The following ARPC2 variants were observed in gnomAD, a reference collection of about 807,000 sequenced individuals.
ARPC2 encodes actin-related protein 2/3 complex subunit 2.
A neutral mutation model predicts 38.6 loss-of-function variants in ARPC2; 4 were observed. The ratio of observed to expected loss-of-function variants is 0.10; its 90% CI spans 0.05 to 0.24. ARPC2 has a LOEUF of 0.24. ARPC2 is among the 10% of genes least tolerant of loss of function. The pLI, the probability that ARPC2 is intolerant of heterozygous loss-of-function variation, is 1.00. For missense variants in ARPC2, 229 were observed against 387.3 expected, an observed-to-expected ratio of 0.59 and a Z score of 3.43; for synonymous variants, 125 against 140.8, an observed-to-expected ratio of 0.89 and a Z score of 0.79.
chr2:218,227,556 A>G (rs1689530463), intron 3 of ARPC2, among the ~76,000 whole-genome samples: 1 of 150,300 alleles, frequency 6.7e-6, no homozygotes. Flanking sequence ...CCTCTCAAGT[A>G]GCTGGGACTA....
chr2:218,221,067 A>G (rs1689373671), intron 2 of ARPC2, among the ~76,000 whole-genome samples: 1 of 152,378 alleles, frequency 6.6e-6, no homozygotes, highest in African/African-American at 2.4e-5. Context: ...TCGTTAGTGT[A>G]CACACCAAGA....
intron 8 of ARPC2, among the ~76,000 whole-genome samples, chr2:218,246,700 G>A (rs1254626294): frequency 6.6e-6 from 1 of 152,100 alleles, no homozygotes; most frequent in Non-Finnish European, 1.5e-5. Flanking sequence ...GCCAGGCACA[G>A]TGGCTCACAC....
intron 5 of ARPC2, chr2:218,235,638 T>C (rs915835932): frequency 2.0e-5 from 3 of 152,194 alleles, no homozygotes; most frequent in Admixed American, 6.5e-5. Flanking sequence ...AGAAAAATCA[T>C]GTCCAAAGTC....
chr2:218,235,234 A>G, intron 5 of ARPC2: 3 of 219,906 alleles, frequency 1.4e-5, no homozygotes, highest in Non-Finnish European at 2.8e-5. Context: ...ATGCAGTGGT[A>G]CAGTCATAGC....
chr2:218,234,947 G>A, intron 5 of ARPC2: 1 of 437,438 alleles, frequency 2.3e-6, no homozygotes, highest in South Asian at 1.6e-5. Context: ...TTAAAAAGGA[G>A]GTTTAAAGTG....
At chr2:218,234,489 A>G in intron 5 of ARPC2, 92 bp downstream of exon 5, 7 of 1,045,300 alleles carry the variant, frequency 6.7e-6, no homozygotes, top group Non-Finnish European at 9.9e-6. Flanking sequence ...TTTCGTTTAA[A>G]TATTATTACA....
intron 9 of ARPC2, 170 bp downstream of exon 9, chr2:218,249,634 A>G (rs1193978288): frequency 2.7e-6 from 2 of 734,056 alleles, no homozygotes; most frequent in African/African-American, 1.8e-5. Flanking sequence ...ACTGTCCCCC[A>G]TCCCTCCCTA....
At chr2:218,243,079 C>T (rs1000473053) in intron 7 of ARPC2, among the ~76,000 whole-genome samples, 2 of 152,142 alleles carry the variant, frequency 1.3e-5, no homozygotes, top group African/African-American at 4.8e-5. Context: ...AGTATTTTTA[C>T]AGTTACATAT....
intron 4 of ARPC2, among the ~76,000 whole-genome samples, chr2:218,231,225 G>C (rs1689625839): frequency 9.6e-5 from 1 of 10,418 alleles, no homozygotes; most frequent in South Asian, 0.056. Context: ...CCATCTCCTG[G>C]TGTCATTGGG....
chr2:218,229,345 T>A (rs1287873171), intron 4 of ARPC2: 2 of 152,590 alleles, frequency 1.3e-5, no homozygotes, highest in Non-Finnish European at 2.9e-5. Context: ...CCAGACATTA[T>A]GAAACTTCGG....
chr2:218,237,518 C>T (rs1410575411), intron 5 of ARPC2, among the ~76,000 whole-genome samples: 1 of 150,652 alleles, frequency 6.6e-6, no homozygotes, highest in Admixed American at 6.6e-5. Flanking sequence ...TGCCCCCCAC[C>T]ACCAATTTTT....
intron 7 of ARPC2, among the ~76,000 whole-genome samples, chr2:218,245,008 A>G (rs1047027030): frequency 2.6e-5 from 4 of 152,204 alleles, no homozygotes; most frequent in African/African-American, 9.6e-5. Flanking sequence ...CTTTCATTCC[A>G]TTGTCTTCTG....
intron 4 of ARPC2, among the ~76,000 whole-genome samples, chr2:218,232,730 C>A (rs1188680896): frequency 6.6e-6 from 1 of 151,694 alleles, no homozygotes; most frequent in African/African-American, 2.4e-5. Context: ...CCACCATGCC[C>A]AGCTAATTTT....
At chr2:218,238,925 C>T (rs1689843465) in intron 6 of ARPC2, 75 bp downstream of exon 6, 1 of 1,192,998 alleles carries the variant, frequency 8.4e-7, no homozygotes, top group South Asian at 1.5e-5. Context: ...AGAAATATGG[C>T]TTGGTCAAAC....
chr2:218,253,107 C>G (rs1690233542), intron 10 of ARPC2: 1 of 394,072 alleles, frequency 2.5e-6, no homozygotes, highest in Non-Finnish European at 5.0e-6. Flanking sequence ...ATTGAACACT[C>G]AGGAGCTTTT....
chr2:218,238,560 C>G (rs1001312082), intron 5 of ARPC2, 104 bp from the exon 6 acceptor site: 18 of 846,682 alleles, frequency 2.1e-5, no homozygotes, highest in Non-Finnish European at 3.2e-5. Context: ...TGCCTCTAGT[C>G]TCTGTTTACT....
intron 2 of ARPC2, 105 bp downstream of exon 2, chr2:218,217,649 C>G (rs1416274870): frequency 8.1e-7 from 1 of 1,239,220 alleles, no homozygotes; most frequent in South Asian, 1.3e-5. Context: ...AAATGGGGTG[C>G]CTGGCAGGGT....
At chr2:218,232,123 C>T (rs931710241) in intron 4 of ARPC2, among the ~76,000 whole-genome samples, 4 of 152,076 alleles carry the variant, frequency 2.6e-5, no homozygotes, top group African/African-American at 9.7e-5. Context: ...CACCTGTAAT[C>T]CCAGCTACTA....
chr2:218,241,115 C>T (rs971427940), intron 7 of ARPC2, among the ~76,000 whole-genome samples: 1 of 152,190 alleles, frequency 6.6e-6, no homozygotes, highest in African/African-American at 2.4e-5. Context: ...AACGTTACTA[C>T]CTTCATTCTG....
Sources: allele counts gnomAD v4.1 joint callset (sites outside exome capture counted in the v4.1 genomes callset), GRCh38; gene constraint gnomAD v4.1.1; transcripts MANE v1.5; gene names NCBI Gene and HGNC (gene_info 2026-07-23, HGNC 2026-07-21).